FCGR2B: variants seen among roughly 807,000 people sequenced by gnomAD.
FCGR2B encodes low affinity immunoglobulin gamma Fc region receptor II-b.
In FCGR2B, 18 loss-of-function variants were observed where a neutral mutation model predicts 24.8. The ratio of observed to expected loss-of-function variants is 0.73; its 90% confidence interval spans 0.50 to 1.08. The LOEUF (loss-of-function observed/expected upper bound fraction) is 1.08, where lower values mean the gene tolerates loss of function less well. Among genes scored for constraint, FCGR2B ranks in the 50% least tolerant of loss-of-function variants. FCGR2B has a pLI of 0.00. For missense variants in FCGR2B, 215 were observed against 297.6 expected, an observed-to-expected ratio of 0.72 and a Z score of 2.04; for synonymous variants, 79 against 109.8, an observed-to-expected ratio of 0.72 and a Z score of 1.75.
chr1:161,670,318 C>T (rs2298020), intron 2 of FCGR2B, 46 bp downstream of exon 2: 3 of 1,760 alleles, frequency 1.7e-3, no homozygotes, highest in Admixed American at 5.4e-3. Context: ...GTCCCCTTTT[C>T]CTCTCCTCCC....
intron 6 of FCGR2B, chr1:161,676,856 T>A (rs1682186660): frequency 5.8e-6 from 1 of 172,610 alleles, no homozygotes; most frequent in Non-Finnish European, 1.2e-5. Context: ...TCTTTCTTTT[T>A]AATGCCATGG....
Position 161,675,266 on chromosome 1 carries a change from G to T in FCGR2B, c.770G>T (p.Gly257Val), listed in dbSNP as rs1023994978. The T allele has an allele frequency of 3.1e-6, 5 of 1,606,278 alleles. No individual in the cohort carries two copies. In the African/African-American group the frequency reaches 4.0e-5, roughly 13 times the overall value. The change falls in exon 6 of 8, where the codon GGA (glycine) becomes GTA (valine). Residue 257 changes from glycine to valine, a missense_variant. Coordinates refer to ENST00000358671, the MANE Select transcript of FCGR2B (RefSeq NM_001394477.1). ...TGTGTGCCCCTCCCAGCTCTCCCAG[G>T]ATACCCTGAGTGCAGGGAAATGGGA... is the stretch of plus-strand genomic sequence containing the variant. ...CRKKRISALP[G>V]YPECREMGET... is the part of the protein sequence containing the mutation.
intron 2 of FCGR2B, 75 bp from the exon 3 acceptor site, chr1:161,671,317 T>C: frequency 6.2e-7 from 1 of 1,610,446 alleles, no homozygotes; most frequent in Non-Finnish European, 8.5e-7. Flanking sequence ...CAGGTGCTTT[T>C]TTGTCTGAGA....
At chr1:161,648,780 T>C in the FCGR2B span, among the ~76,000 whole-genome samples, 6 of 150,752 alleles carry the variant, frequency 4.0e-5, no homozygotes, top group Admixed American at 6.7e-5. Flanking sequence ...ACCTCTATGT[T>C]CCAGGTTCAA....
Position 161,674,086 on chromosome 1 carries a change from TC to T in FCGR2B, c.760+16del, listed in dbSNP as rs1681924432. 2.2e-6 allele frequency: 1 copy of T among 452,854 alleles called. No individual in the cohort carries two copies. Among genetic ancestry groups the T allele is most frequent in the Non-Finnish European group, 3.9e-6 (1 of 257,260 alleles). 28.1% of individuals were successfully genotyped at this position (452,854 alleles called of 1,614,324 possible). A position where few individuals can be genotyped will look rare whatever the true frequency, so the allele number is the denominator to read the frequency against. The stretch of plus-strand genomic sequence containing the variant: ...AAGCGGATTTCAGGTTTGTAGCTCC[TC>T]CCGGTCCCTTTGGTTATCAGTTTCC... On this transcript the variant is annotated intron_variant, in intron 5 of 7. Coordinates refer to ENST00000358671, the MANE Select transcript of FCGR2B (RefSeq NM_001394477.1).
intron 3 of FCGR2B, chr1:161,672,318 C>T (rs942606125): frequency 6.3e-6 from 1 of 159,236 alleles, no homozygotes; most frequent in African/African-American, 2.4e-5. Context: ...TTGTGATGAA[C>T]ATTGTCCTTG....
intron 6 of FCGR2B, 67 bp from the exon 7 acceptor site, chr1:161,677,261 A>T: frequency 6.6e-7 from 1 of 1,513,120 alleles, no homozygotes; most frequent in Non-Finnish European, 9.2e-7. Flanking sequence ...TTGCAGCCTC[A>T]GCATCAGCAC....
chr1:161,647,295 C>CTT, the FCGR2B span, among the ~76,000 whole-genome samples: 24 of 131,548 alleles, frequency 1.8e-4, no homozygotes, highest in African/African-American at 6.9e-4. Context: ...TTGCTCTGGA[C>CTT]TCTTTTTTTT....
chr1:161,650,409 A>C, the FCGR2B span, among the ~76,000 whole-genome samples: 1 of 145,210 alleles, frequency 6.9e-6, no homozygotes, highest in East Asian at 2.2e-4. Flanking sequence ...GCCGGAGATA[A>C]AGACTGAGGA....
intron 3 of FCGR2B, chr1:161,672,624 G>T (rs964202995): frequency 7.8e-6 from 3 of 383,508 alleles, no homozygotes; most frequent in African/African-American, 2.0e-5. Context: ...GCATCTTAGG[G>T]TCTCTTGTGT....
chr1:161,647,388 C>T, the FCGR2B span, among the ~76,000 whole-genome samples: 1 of 149,342 alleles, frequency 6.7e-6, no homozygotes, highest in Admixed American at 6.7e-5. Context: ...GCAACCCCCG[C>T]CTGCCGGGTT....
At chr1:161,649,193 G>A in the FCGR2B span, among the ~76,000 whole-genome samples, 9 of 150,850 alleles carry the variant, frequency 6.0e-5, no homozygotes, top group East Asian at 1.9e-4. Flanking sequence ...AGATACAACC[G>A]TAATATTAAT....
rs564994700 is a variant in FCGR2B at position 161,671,791 on chromosome 1, T to A, written c.391+142T>A. ...AGTTGCCTCAGCACATATCAGTGGT[T>A]GTTTTTGCCTCAGTTCTGATTGAAC... On this transcript the variant is annotated intron_variant, in intron 3 of 7. Transcript: ENST00000358671. 1.3e-4 allele frequency: 185 copies of A among 1,478,044 alleles called. No homozygotes were observed. The African/African-American group carries it at 2.3e-3, about 19-fold the overall frequency. The allele number at this position is 1,478,044 out of a possible 1,614,324, so 91.6% of individuals were successfully genotyped here. A position where few individuals can be genotyped will look rare whatever the true frequency, so the allele number is the denominator to read the frequency against.
chr1:161,656,136 C>T, the FCGR2B span, among the ~76,000 whole-genome samples: 1 of 128,036 alleles, frequency 7.8e-6, no homozygotes, highest in Non-Finnish European at 1.8e-5. Context: ...GGATTACAGG[C>T]ATCAGGCGTC....
At chr1:161,656,337 A>G in the FCGR2B span, among the ~76,000 whole-genome samples, 2 of 135,058 alleles carry the variant, frequency 1.5e-5, 1 homozygote, top group Admixed American at 1.6e-4. Context: ...TCCCCACCCC[A>G]TCTTTCTTAC....
In FCGR2B at chr1:161,671,556, A is replaced by G. The variant is rs1193507920; in HGVS notation, c.298A>G (p.Arg100Gly). The G allele has an allele frequency of 1.2e-6, 2 of 1,614,216 alleles. No individual in the cohort carries two copies. Among genetic ancestry groups the G allele is most frequent in the Non-Finnish European group, 1.7e-6 (2 of 1,180,048 alleles). Residue 100 changes from arginine (R) to glycine (G), a missense_variant, in exon 3 of 8, where the codon AGG becomes GGG. Coordinates refer to ENST00000358671, the MANE Select transcript of FCGR2B (RefSeq NM_001394477.1). ...LIPTHTQPSY[R>G]FKANNNDSGE... Reference sequence around the variant, plus strand: ...TCCCACCCACACGCAGCCCAGCTACAGGTTCAAGGCCAACAACAATGACAG... The same window carrying G: ...TCCCACCCACACGCAGCCCAGCTACGGGTTCAAGGCCAACAACAATGACAG...
At chr1:161,674,677 C>G (rs1461351222) in intron 5 of FCGR2B, 1 of 173,824 alleles carries the variant, frequency 5.8e-6, no homozygotes, top group Non-Finnish European at 1.2e-5. Flanking sequence ...TTACACAGTG[C>G]CTGGTAGGCA....
At chr1:161,676,349 T>G (rs1035746944) in intron 6 of FCGR2B, 13 of 191,938 alleles carry the variant, frequency 6.8e-5, no homozygotes, top group African/African-American at 2.8e-4. Flanking sequence ...GGCCCAGTGG[T>G]GATAGGGGCC....
At chr1:161,654,534 T>C in the FCGR2B span, among the ~76,000 whole-genome samples, 4 of 134,506 alleles carry the variant, frequency 3.0e-5, no homozygotes, top group Non-Finnish European at 5.2e-5. Context: ...CTCCATTACC[T>C]AGGTATGTAT....
Sources: gnomAD v4.1 joint callset for allele counts (sites outside exome capture counted in the v4.1 genomes callset) on GRCh38, gnomAD v4.1.1 for gene constraint, MANE v1.5 for transcripts, NCBI Gene and HGNC (gene_info 2026-07-23, HGNC 2026-07-21) for gene names.